TBC1D22A: variants seen among roughly 807,000 people sequenced by gnomAD.
The protein encoded by TBC1D22A is putative GTPase activator.
In TBC1D22A, 38 loss-of-function variants were observed where a neutral mutation model predicts 60.2. The observed-to-expected ratio is 0.63, with a 90% confidence interval of 0.49 to 0.83. TBC1D22A has a LOEUF of 0.83. TBC1D22A is among the 40% of genes least tolerant of loss of function. The pLI, the probability that TBC1D22A is intolerant of heterozygous loss-of-function variation, is 0.00. For missense variants in TBC1D22A, 628 were observed against 701.0 expected, an observed-to-expected ratio of 0.90 and a Z score of 1.18; for synonymous variants, 302 against 281.7, an observed-to-expected ratio of 1.07 and a Z score of -0.72.
At chr22:46,922,907 C>A (rs1021304698) in intron 8 of TBC1D22A, among the ~76,000 whole-genome samples, 5 of 152,086 alleles carry the variant, frequency 3.3e-5, no homozygotes, top group African/African-American at 1.2e-4. Context: ...TATTGAATGC[C>A]TTTTATTTCT....
At chr22:47,154,095 G>A (rs958379713) in intron 12 of TBC1D22A, among the ~76,000 whole-genome samples, 1 of 152,130 alleles carries the variant, frequency 6.6e-6, no homozygotes, top group Non-Finnish European at 1.5e-5. Flanking sequence ...CGTGGCTGGC[G>A]GGAGCAGGGG....
chr22:47,021,007 T>C (rs1028065458), intron 10 of TBC1D22A, among the ~76,000 whole-genome samples: 1 of 152,224 alleles, frequency 6.6e-6, no homozygotes, highest in African/African-American at 2.4e-5. Flanking sequence ...GGCTCAGTCC[T>C]GTAGCTGCCA....
chr22:47,020,041 C>G (rs762904), intron 10 of TBC1D22A, among the ~76,000 whole-genome samples: 1 of 151,628 alleles, frequency 6.6e-6, no homozygotes, highest in African/African-American at 2.4e-5. Context: ...TCCATCCCCC[C>G]ACCCATGTCT....
At chr22:46,775,233 T>A (rs2083654039) in intron 1 of TBC1D22A, among the ~76,000 whole-genome samples, 1 of 152,222 alleles carries the variant, frequency 6.6e-6, no homozygotes, top group African/African-American at 2.4e-5. Flanking sequence ...GTGCACCCGC[T>A]GCCCTTGTTT....
chr22:46,834,423 A>G (rs1367180001), intron 4 of TBC1D22A, among the ~76,000 whole-genome samples: 1 of 152,134 alleles, frequency 6.6e-6, no homozygotes, highest in Admixed American at 6.5e-5. Context: ...TAAGAAGAAG[A>G]GTTTCACTTA....
intron 11 of TBC1D22A, among the ~76,000 whole-genome samples, chr22:47,092,664 G>A (rs1389265916): frequency 6.6e-6 from 1 of 152,330 alleles, no homozygotes; most frequent in South Asian, 2.1e-4. Context: ...GGGACAGAAC[G>A]TGGGTCGCTC....
intron 11 of TBC1D22A, among the ~76,000 whole-genome samples, chr22:47,078,192 A>ACC (rs2064308038): frequency 6.6e-6 from 1 of 152,248 alleles, no homozygotes; most frequent in Non-Finnish European, 1.5e-5. Context: ...TCACTTGGTA[A>ACC]AAGTATGTGG....
intron 11 of TBC1D22A, among the ~76,000 whole-genome samples, chr22:47,045,649 C>T (rs6008030): frequency 0.03 from 4,502 of 152,254 alleles, 236 homozygotes; most frequent in African/African-American, 0.1. Flanking sequence ...CCATTGTGTT[C>T]ATTTCTTGCT....
chr22:47,003,927 CG>C (rs2061490593), intron 10 of TBC1D22A, among the ~76,000 whole-genome samples: 1 of 147,100 alleles, frequency 6.8e-6, no homozygotes, highest in Non-Finnish European at 1.5e-5. Context: ...ACCCTACGCA[CG>C]CATGCCTGTA....
At chr22:46,792,626 G>C (rs1482769974) in intron 2 of TBC1D22A, 50 bp downstream of exon 2, 1 of 1,614,056 alleles carries the variant, frequency 6.2e-7, no homozygotes, top group Non-Finnish European at 8.5e-7. Context: ...ATATGGGAGG[G>C]CTGTGGCAAC....
At chr22:46,882,600 A>G (rs2067907654) in intron 5 of TBC1D22A, among the ~76,000 whole-genome samples, 2 of 151,980 alleles carry the variant, frequency 1.3e-5, no homozygotes, top group African/African-American at 4.8e-5. Flanking sequence ...GCGTTGGAGG[A>G]GAGAGGCTGA....
intron 12 of TBC1D22A, among the ~76,000 whole-genome samples, chr22:47,150,002 G>A (rs575371006): frequency 2.1e-4 from 32 of 152,122 alleles, no homozygotes; most frequent in Non-Finnish European, 4.1e-4. Flanking sequence ...CTCAGGGGCA[G>A]CGGGGCTGGG....
chr22:46,996,876 C>T (rs1035738066), intron 9 of TBC1D22A, among the ~76,000 whole-genome samples: 5 of 152,182 alleles, frequency 3.3e-5, no homozygotes, highest in African/African-American at 1.2e-4. Flanking sequence ...ATCTCTTCCA[C>T]ATTCCACTTG....
At chr22:46,782,064 A>C (rs112079598) in intron 1 of TBC1D22A, among the ~76,000 whole-genome samples, 94 of 152,216 alleles carry the variant, frequency 6.2e-4, no homozygotes, top group African/African-American at 1.8e-3. Flanking sequence ...TCTTCTTCTT[A>C]TTATTATTGA....
At position 46,762,865 on chromosome 22, in the gene TBC1D22A, G is replaced by A. The variant is rs1320313464; in HGVS notation, c.62+17G>A. On this transcript the variant is annotated intron_variant, in intron 1 of 12. Transcript: ENST00000337137. ...CCCGGGCAGGTGGGTGTGCCGCGGA[G>A]GGCCAGGTCGGGGTCAGGGGTCAGA... 6 of 1,469,292 alleles carry A rather than the reference G, an allele frequency of 4.1e-6. No individual in the cohort carries two copies. Among genetic ancestry groups the A allele is most frequent in the Non-Finnish European group, 5.4e-6 (6 of 1,116,430 alleles). 91.0% of individuals were successfully genotyped at this position (1,469,292 alleles called of 1,614,324 possible).
chr22:47,107,341 A>T (rs1225742431), intron 11 of TBC1D22A, among the ~76,000 whole-genome samples: 6 of 152,204 alleles, frequency 3.9e-5, no homozygotes, highest in African/African-American at 1.4e-4. Flanking sequence ...GCAGGGACCA[A>T]GATCTTTGGT....
At chr22:46,949,170 T>C (rs2072741107) in intron 8 of TBC1D22A, among the ~76,000 whole-genome samples, 1 of 152,150 alleles carries the variant, frequency 6.6e-6, no homozygotes, top group Admixed American at 6.5e-5. Flanking sequence ...CTTCCATTTT[T>C]GAGTCCTGTC....
chr22:46,873,754 G>C (rs2067402565), intron 4 of TBC1D22A, among the ~76,000 whole-genome samples: 1 of 151,426 alleles, frequency 6.6e-6, no homozygotes, highest in Non-Finnish European at 1.5e-5. Flanking sequence ...ATGACCTCCA[G>C]CTCCATCCAT....
intron 8 of TBC1D22A, among the ~76,000 whole-genome samples, chr22:46,916,843 G>T (rs2070400099): frequency 6.6e-6 from 1 of 152,246 alleles, no homozygotes; most frequent in African/African-American, 2.4e-5. Flanking sequence ...AACTCTACAA[G>T]TGAAAACGAA....
Sources: gnomAD v4.1 joint callset for allele counts (sites outside exome capture counted in the v4.1 genomes callset) on GRCh38, gnomAD v4.1.1 for gene constraint, MANE v1.5 for transcripts, NCBI Gene and HGNC (gene_info 2026-07-23, HGNC 2026-07-21) for gene names.